The following EML5 variants were observed in gnomAD, a reference collection of about 807,000 sequenced individuals.
EML5 encodes the protein EMAP like 5, also known as echinoderm microtubule-associated protein-like 5.
EML5 carries 120 observed loss-of-function variants against 250.0 expected under a neutral mutation model. The ratio of observed to expected loss-of-function variants is 0.48; its 90% CI spans 0.41 to 0.56. EML5 has a LOEUF of 0.56. EML5 is among the 20% of genes least tolerant of loss of function. The probability of loss-of-function intolerance (pLI) is 0.00; values close to 1 mark genes in which losing one functional copy is unlikely to be tolerated. For missense variants in EML5, 2,006 were observed against 2,437.6 expected, an observed-to-expected ratio of 0.82 and a Z score of 3.73; for synonymous variants, 771 against 806.5, an observed-to-expected ratio of 0.96 and a Z score of 0.75.
intron 1 of EML5, among the ~76,000 whole-genome samples, chr14:88,770,098 G>A (rs1017806416): frequency 6.6e-6 from 1 of 151,932 alleles, no homozygotes; most frequent in Non-Finnish European, 1.5e-5. Flanking sequence ...TGAAACGGCC[G>A]CTGAAATTTG....
intron 1 of EML5, among the ~76,000 whole-genome samples, chr14:88,784,891 C>G (rs950179117): frequency 1.3e-5 from 2 of 152,310 alleles, no homozygotes; most frequent in South Asian, 4.1e-4. Context: ...TATCTACACT[C>G]CAATGTTTGT....
intron 36 of EML5, 88 bp downstream of exon 36, chr14:88,624,882 G>A (rs965663639): frequency 6.1e-6 from 9 of 1,467,456 alleles, no homozygotes; most frequent in Non-Finnish European, 8.3e-6. Flanking sequence ...GACACTCTGT[G>A]TAGCCTAGAA....
At chr14:88,786,962 T>C (rs2094557390) in intron 1 of EML5, among the ~76,000 whole-genome samples, 2 of 152,216 alleles carry the variant, frequency 1.3e-5, no homozygotes, top group Admixed American at 6.5e-5. Flanking sequence ...GATTTGGCAA[T>C]GCAGAGGTCA....
intron 1 of EML5, among the ~76,000 whole-genome samples, chr14:88,782,564 G>A (rs988264221): frequency 1.3e-5 from 2 of 152,200 alleles, no homozygotes; most frequent in African/African-American, 4.8e-5. Context: ...GGTTTCCTGT[G>A]CCAGGTCCAA....
chr14:88,626,852 T>C lies in EML5; in HGVS notation c.4726A>G (p.Ile1576Val), dbSNP rs754956166. The C allele has an allele frequency of 3.1e-6, 5 of 1,613,858 alleles. No homozygotes were observed. The highest frequency in any genetic ancestry group is 2.2e-5 in the East Asian group (1 of 44,864). The stretch of plus-strand genomic sequence containing the variant: ...AAGAGACATACTGCACCAAATGCAA[T>C]AGCGAGCATGGTCTGCATCCGGGCA... Reference protein sequence around the residue: ...EDARMQTMLAIAFGANNLTFT... With the variant: ...EDARMQTMLAVAFGANNLTFT... Residue 1576 changes from isoleucine (I) to valine (V), a missense_variant, in exon 35 of 44, where the codon ATT becomes GTT. By Grantham distance (29) the Ile-to-Val change is conservative. Around this residue, in one of 7 missense-constraint regions of EML5, gnomAD observed 405 missense variants for 523.3 expected, o/e 0.77. Coordinates refer to ENST00000554922, the MANE Select transcript of EML5 (RefSeq NM_183387.3).
intron 1 of EML5, among the ~76,000 whole-genome samples, chr14:88,760,559 G>A (rs546500654): frequency 5.0e-4 from 76 of 152,192 alleles, no homozygotes; most frequent in African/African-American, 1.8e-3. Flanking sequence ...CTGCCTTCAT[G>A]AGTATAGCTT....
At chr14:88,690,166 G>C (rs999458755) in intron 17 of EML5, among the ~76,000 whole-genome samples, 2 of 152,192 alleles carry the variant, frequency 1.3e-5, no homozygotes, top group African/African-American at 4.8e-5. Flanking sequence ...CAAAGAAGGG[G>C]AGACAGTAAT....
At chr14:88,705,714 A>G (rs568907352) in intron 11 of EML5, 126 bp from the exon 12 acceptor site, 2 of 729,044 alleles carry the variant, frequency 2.7e-6, no homozygotes, top group Non-Finnish European at 4.7e-6. Context: ...AATCAAATGA[A>G]ATTACCTATT....
At position 88,704,898 on chromosome 14, in the gene EML5, C is replaced by T; in HGVS notation, c.2013G>A (p.Arg671=). 1 of 1,613,082 alleles carries T rather than the reference C, an allele frequency of 6.2e-7. No homozygotes were observed. Among genetic ancestry groups the T allele is most frequent in the East Asian group, 2.2e-5 (1 of 44,790 alleles). ...QKSATSKRRE[R]APGNSIRLHF... is the part of the protein sequence containing the mutation. ...GTAATCGAATACTATTTCCTGGAGC[C>T]CGCTCTCTTCTTTTAGAAGTAGCAC... The change falls in exon 13 of 44, where the codon CGG becomes CGA. Residue 671 remains arginine, a synonymous_variant. Coordinates refer to ENST00000554922, the MANE Select transcript of EML5 (RefSeq NM_183387.3).
chr14:88,640,825 C>CA (rs1440083387), intron 31 of EML5, among the ~76,000 whole-genome samples: 2 of 150,870 alleles, frequency 1.3e-5, no homozygotes, highest in African/African-American at 2.4e-5. Context: ...GTTAGCTTAA[C>CA]AAAAAAAAGA....
At chr14:88,721,068 A>G (rs1319173222) in intron 8 of EML5, among the ~76,000 whole-genome samples, 1 of 152,148 alleles carries the variant, frequency 6.6e-6, no homozygotes, top group African/African-American at 2.4e-5. Flanking sequence ...TAATAAGAGA[A>G]GTGAAAGACC....
At chr14:88,774,864 G>A (rs1319590120) in intron 1 of EML5, among the ~76,000 whole-genome samples, 1 of 152,172 alleles carries the variant, frequency 6.6e-6, no homozygotes, top group African/African-American at 2.4e-5. Flanking sequence ...TTATAGACAT[G>A]TATGTTCAAC....
At chr14:88,716,631 A>AT (rs1428575222) in intron 8 of EML5, among the ~76,000 whole-genome samples, 1 of 152,024 alleles carries the variant, frequency 6.6e-6, no homozygotes, top group Non-Finnish European at 1.5e-5. Context: ...GTATTTTGGT[A>AT]TTTTTTATAG....
Position 88,715,824 on chromosome 14 carries a change from G to A in EML5, c.1188-629C>T, listed in dbSNP as rs555880094. Among the ~76,000 whole-genome samples the A allele has an allele frequency of 8.6e-5, 13 of 151,944 alleles. No homozygotes were observed. The South Asian group carries it at 1.2e-3, about 15-fold the overall frequency. ...ATTACAGGTGCACACCACCATACCC[G>A]GCTAATCTTTTTGACGTTTTTAAAT... On this transcript the variant is annotated intron_variant, in intron 8 of 43. Coordinates refer to ENST00000554922, the MANE Select transcript of EML5 (RefSeq NM_183387.3).
intron 19 of EML5, 74 bp downstream of exon 19, chr14:88,687,142 C>A (rs1364096500): frequency 1.7e-6 from 2 of 1,151,316 alleles, no homozygotes; most frequent in Non-Finnish European, 2.5e-6. Context: ...TGTGTTCCAC[C>A]TCAGTGATCA....
intron 10 of EML5, among the ~76,000 whole-genome samples, chr14:88,711,701 T>A (rs2093410648): frequency 6.6e-6 from 1 of 152,100 alleles, no homozygotes; most frequent in African/African-American, 2.4e-5. Context: ...CCTAGTACTC[T>A]GGGAGGCTGA....
chr14:88,658,455 T>G lies in EML5; in HGVS notation c.3676-67A>C. On this transcript the variant is annotated intron_variant, in intron 25 of 43. Coordinates refer to ENST00000554922, the MANE Select transcript of EML5 (RefSeq NM_183387.3). The stretch of plus-strand genomic sequence containing the variant: ...CATTATTTAAATATTTCCATTATGA[T>G]TTTGAATTTTATTAATAATTAAAAA... 8 of 1,268,876 alleles carry G rather than the reference T, an allele frequency of 6.3e-6. No homozygotes were observed. In the South Asian group the frequency reaches 1.2e-4, roughly 20 times the overall value. 78.6% of individuals were successfully genotyped at this position (1,268,876 alleles called of 1,614,324 possible).
intron 14 of EML5, 31 bp from the exon 15 acceptor site, chr14:88,696,983 C>T: frequency 7.4e-7 from 1 of 1,352,488 alleles, no homozygotes; most frequent in Non-Finnish European, 1.0e-6. Flanking sequence ...CTATTAAATA[C>T]AATTAAATTA....
chr14:88,612,534 C>T lies in EML5; in HGVS notation c.*3284G>A, dbSNP rs1228113547. ...AAATTTTTTTACAAGTATTTACATA[C>T]TGTATCTGAAAACAGACTTTAAAGT... is the stretch of plus-strand genomic sequence containing the variant. On this transcript the variant is annotated 3_prime_UTR_variant, in exon 44 of 44. Coordinates refer to ENST00000554922, the MANE Select transcript of EML5 (RefSeq NM_183387.3). 1 of 152,508 alleles carries T rather than the reference C, an allele frequency of 6.6e-6. No individual in the cohort carries two copies. Among genetic ancestry groups the T allele is most frequent in the Non-Finnish European group, 1.5e-5 (1 of 68,028 alleles). The allele number at this position is 152,508 out of a possible 1,614,324, so 9.4% of individuals were successfully genotyped here. A position where few individuals can be genotyped will look rare whatever the true frequency, so the allele number is the denominator to read the frequency against.
Sources: gnomAD v4.1 joint callset for allele counts (sites outside exome capture counted in the v4.1 genomes callset) on GRCh38, gnomAD v4.1.1 for gene constraint, gnomAD v4.1.1 regional missense constraint, MANE v1.5 for transcripts, NCBI Gene and HGNC (gene_info 2026-07-23, HGNC 2026-07-21) for gene names.